SLC4A10: variants seen among roughly 807,000 people sequenced by gnomAD.
SLC4A10 encodes the protein solute carrier family 4 member 10.
Under a neutral mutation model 137.7 loss-of-function variants are expected in SLC4A10, and 42 were observed. The observed-to-expected ratio is 0.30, with a 90% confidence interval of 0.24 to 0.39. The LOEUF is 0.39. SLC4A10 is among the 10% of genes least tolerant of loss of function. The pLI, the probability that SLC4A10 is intolerant of heterozygous loss-of-function variation, is 1.00. For synonymous variants in SLC4A10, 474 were observed against 464.1 expected, an observed-to-expected ratio of 1.02 and a Z score of -0.27; for missense variants, 925 against 1,355.0, an observed-to-expected ratio of 0.68 and a Z score of 4.98.
At chr2:161,909,069 C>A (rs1375226885) in intron 15 of SLC4A10, among the ~76,000 whole-genome samples, 1 of 107,666 alleles carries the variant, frequency 9.3e-6, no homozygotes, top group African/African-American at 3.9e-5. Context: ...ACATCACACA[C>A]TGGGGACTGT....
chr2:161,859,574 T>TTTTTCTTTTC (rs1169168918), intron 5 of SLC4A10, among the ~76,000 whole-genome samples: 27 of 141,284 alleles, frequency 1.9e-4, no homozygotes, highest in African/African-American at 6.7e-4. Flanking sequence ...ATTTGTCCTT[T>TTTTTCTTTTC]TTTTCTTTTC....
intron 15 of SLC4A10, among the ~76,000 whole-genome samples, chr2:161,915,647 C>T (rs1686951644): frequency 6.6e-6 from 1 of 152,204 alleles, no homozygotes; most frequent in Non-Finnish European, 1.5e-5. Context: ...ACAGAGCCTA[C>T]ACAGAGTTTC....
chr2:161,938,320 T>C (rs1691965133), intron 15 of SLC4A10, among the ~76,000 whole-genome samples: 1 of 151,962 alleles, frequency 6.6e-6, no homozygotes, highest in African/African-American at 2.4e-5. Context: ...AAAGTTAGCT[T>C]TATTTGGAAG....
intron 1 of SLC4A10, among the ~76,000 whole-genome samples, chr2:161,702,592 C>T (rs1418186770): frequency 6.6e-6 from 1 of 151,778 alleles, no homozygotes; most frequent in African/African-American, 2.4e-5. Context: ...TTTCCTAAGG[C>T]TACAAAAATC....
intron 26 of SLC4A10, among the ~76,000 whole-genome samples, chr2:161,980,838 A>T (rs552231528): frequency 6.6e-6 from 1 of 152,234 alleles, no homozygotes; most frequent in African/African-American, 2.4e-5. Context: ...AGTTCCTGGC[A>T]TATAATAGAT....
intron 2 of SLC4A10, among the ~76,000 whole-genome samples, chr2:161,784,053 C>T (rs976928532): frequency 3.3e-5 from 5 of 151,422 alleles, no homozygotes; most frequent in Admixed American, 1.3e-4. Context: ...AAAAATTCCA[C>T]GAAAATGTTA....
chr2:161,904,919 A>G lies in SLC4A10; in HGVS notation c.1751+10A>G. The G allele has an allele frequency of 3.7e-6, 6 of 1,613,694 alleles. No individual in the cohort carries two copies. Among genetic ancestry groups the G allele is most frequent in the South Asian group, 1.1e-5 (1 of 91,048 alleles). On this transcript the variant is annotated intron_variant, in intron 14 of 26. Coordinates refer to ENST00000446997, the MANE Select transcript of SLC4A10 (RefSeq NM_001178015.2). ...TGTTTAAATTTTGCAAGTAAGTGTT[A>G]TGTACTTTTTGGCCCTTAGCCTCTT...
At chr2:161,911,308 G>T (rs1685791746) in intron 15 of SLC4A10, among the ~76,000 whole-genome samples, 1 of 151,802 alleles carries the variant, frequency 6.6e-6, no homozygotes, top group Non-Finnish European at 1.5e-5. Flanking sequence ...ATATAAATTT[G>T]AATTCATAAA....
chr2:161,685,600 T>G (rs2124868114), intron 1 of SLC4A10, among the ~76,000 whole-genome samples: 2 of 139,296 alleles, frequency 1.4e-5, no homozygotes, highest in Admixed American at 7.8e-5. Flanking sequence ...AGAGGGAGAG[T>G]CTGTCTCAGA....
chr2:161,762,313 T>TA (rs904287940), intron 1 of SLC4A10, among the ~76,000 whole-genome samples: 1 of 152,078 alleles, frequency 6.6e-6, no homozygotes, highest in Non-Finnish European at 1.5e-5. Flanking sequence ...TTTATGGCAC[T>TA]ATAATATATG....
intron 1 of SLC4A10, among the ~76,000 whole-genome samples, chr2:161,630,179 CACTT>C (rs1316471539): frequency 6.6e-6 from 1 of 151,826 alleles, no homozygotes; most frequent in East Asian, 1.9e-4. Context: ...TTGCTCCACA[CACTT>C]ACCAGCATTT....
chr2:161,757,078 T>G (rs540568292), intron 1 of SLC4A10, among the ~76,000 whole-genome samples: 3 of 152,060 alleles, frequency 2.0e-5, no homozygotes, highest in African/African-American at 4.8e-5. Context: ...TTGAGTAAGA[T>G]GGACATAAAT....
intron 1 of SLC4A10, among the ~76,000 whole-genome samples, chr2:161,650,024 C>T (rs2036568669): frequency 1.3e-5 from 2 of 152,204 alleles, no homozygotes; most frequent in Admixed American, 1.3e-4. Flanking sequence ...TTACTTTCAA[C>T]TAAGCTATAG....
intron 23 of SLC4A10, among the ~76,000 whole-genome samples, chr2:161,968,638 G>A (rs1698001066): frequency 6.6e-6 from 1 of 151,936 alleles, no homozygotes. Flanking sequence ...CTCAGTACAT[G>A]GAAAGAAACA....
At chr2:161,926,215 G>C (rs1189214357) in intron 15 of SLC4A10, among the ~76,000 whole-genome samples, 1 of 150,828 alleles carries the variant, frequency 6.6e-6, no homozygotes, top group East Asian at 2.0e-4. Flanking sequence ...CTCAGGACTT[G>C]CTTTATGAAT....
intron 15 of SLC4A10, among the ~76,000 whole-genome samples, chr2:161,931,734 T>C (rs1690431372): frequency 1.3e-5 from 2 of 152,150 alleles, no homozygotes; most frequent in African/African-American, 2.4e-5. Context: ...GTGGGTAAGA[T>C]AACTTAGAAG....
chr2:161,839,775 C>A lies in SLC4A10; in HGVS notation c.278-14C>A, dbSNP rs200251141. ...AATACATGTTCATGGTAATACATGT[C>A]TCTGATTTTTTAGACACCCCATCAC... On this transcript the variant is annotated splice_polypyrimidine_tract_variant and intron_variant, in intron 3 of 26. Coordinates refer to ENST00000446997, the MANE Select transcript of SLC4A10 (RefSeq NM_001178015.2). 3,381 of 1,613,056 alleles carry A rather than the reference C, an allele frequency of 2.1e-3. 9 individuals are homozygous for A. Among genetic ancestry groups the A allele is most frequent in the Middle Eastern group, 0.01 (63 of 6,056 alleles).
At chr2:161,684,923 G>A (rs2041225496) in intron 1 of SLC4A10, among the ~76,000 whole-genome samples, 1 of 152,160 alleles carries the variant, frequency 6.6e-6, no homozygotes, top group Admixed American at 6.5e-5. Flanking sequence ...CTGATTCTGA[G>A]GTTCAAAAAG....
At chr2:161,624,761 C>G (rs890443756) in intron 1 of SLC4A10, among the ~76,000 whole-genome samples, 195 bp downstream of exon 1, 18 of 151,930 alleles carry the variant, frequency 1.2e-4, no homozygotes, top group Admixed American at 8.5e-4. Flanking sequence ...CTCCCCCCCC[C>G]TTCTCAATAT....
Sources: allele counts gnomAD v4.1 joint callset (sites outside exome capture counted in the v4.1 genomes callset), GRCh38; gene constraint gnomAD v4.1.1; transcripts MANE v1.5; gene names NCBI Gene and HGNC (gene_info 2026-07-23, HGNC 2026-07-21).